Variants in RBFOX1 observed in about 807,000 individuals in gnomAD.
RBFOX1 encodes RNA binding protein fox-1 homolog 1.
RBFOX1 carries 8 observed loss-of-function variants against 57.7 expected under a neutral mutation model. The ratio of observed to expected loss-of-function variants is 0.14; its 90% CI spans 0.08 to 0.25. The LOEUF is 0.25. Ranked by LOEUF, RBFOX1 falls within the 10% of genes least tolerant of loss-of-function variation. The pLI, the probability that RBFOX1 is intolerant of heterozygous loss-of-function variation, is 1.00. For missense variants in RBFOX1, 611 were observed against 548.5 expected (o/e 1.11, Z -1.14); for synonymous variants, 326 against 222.4 (o/e 1.47, Z -4.15).
At chr16:7,119,118 C>G (rs1201041367) in intron 4 of RBFOX1, among the ~76,000 whole-genome samples, 1 of 152,116 alleles carries the variant, frequency 6.6e-6, no homozygotes, top group East Asian at 1.9e-4. Context: ...GCAAGTGTTG[C>G]AATGTATGTG....
chr16:6,684,568 A>T (rs1409231587), intron 3 of RBFOX1, among the ~76,000 whole-genome samples: 2 of 152,180 alleles, frequency 1.3e-5, no homozygotes, highest in South Asian at 4.1e-4. Flanking sequence ...TAGGGCTGCA[A>T]TCCCCTCTGT....
chr16:7,197,923 A>G (rs2087164091), intron 4 of RBFOX1, among the ~76,000 whole-genome samples: 1 of 151,964 alleles, frequency 6.6e-6, no homozygotes, highest in Admixed American at 6.6e-5. Flanking sequence ...TTGGGAGTGT[A>G]ACTGAAAAAT....
At chr16:5,938,013 G>C (rs1036030941) in intron 4 of RBFOX1, among the ~76,000 whole-genome samples, 1 of 151,944 alleles carries the variant, frequency 6.6e-6, no homozygotes, top group Non-Finnish European at 1.5e-5. Context: ...TAATTTTTGG[G>C]TATCTGTTTT....
chr16:5,500,373 G>A (rs981907564), intron 2 of RBFOX1, among the ~76,000 whole-genome samples: 4 of 151,934 alleles, frequency 2.6e-5, no homozygotes, highest in African/African-American at 9.7e-5. Context: ...CAGGCATGCA[G>A]TACCATGCCT....
chr16:6,580,509 T>A (rs1019353051), intron 2 of RBFOX1, among the ~76,000 whole-genome samples: 16 of 152,168 alleles, frequency 1.1e-4, no homozygotes, highest in African/African-American at 3.9e-4. Flanking sequence ...ACATAATCCC[T>A]TATGGTCCTC....
intron 13 of RBFOX1, among the ~76,000 whole-genome samples, chr16:7,671,142 C>G (rs2146080636): frequency 6.6e-6 from 1 of 152,230 alleles, no homozygotes; most frequent in South Asian, 2.1e-4. Flanking sequence ...GTGCTGTTTT[C>G]TTAACTACTT....
intron 4 of RBFOX1, among the ~76,000 whole-genome samples, chr16:5,995,622 C>A (rs139199637): frequency 6.6e-6 from 1 of 152,178 alleles, no homozygotes; most frequent in Non-Finnish European, 1.5e-5. Flanking sequence ...ATAGAATGGA[C>A]AGACAGAAAT....
chr16:5,463,080 T>C (rs577182601), intron 1 of RBFOX1, among the ~76,000 whole-genome samples: 10 of 152,180 alleles, frequency 6.6e-5, no homozygotes, highest in Non-Finnish European at 1.5e-4. Context: ...AGATGATAGA[T>C]AGATATATTT....
chr16:6,494,870 G>C (rs137933419), intron 2 of RBFOX1, among the ~76,000 whole-genome samples: 1,616 of 152,282 alleles, frequency 0.011, 31 homozygotes, highest in African/African-American at 0.037. Flanking sequence ...AGAATAGCCA[G>C]CATTTATGTA....
At chr16:7,325,797 C>T (rs945110076) in intron 4 of RBFOX1, among the ~76,000 whole-genome samples, 1 of 152,182 alleles carries the variant, frequency 6.6e-6, no homozygotes. Context: ...CTCTCCTTCA[C>T]TGGGAATTCA....
At chr16:7,438,256 G>T (rs2098738339) in intron 4 of RBFOX1, among the ~76,000 whole-genome samples, 1 of 152,150 alleles carries the variant, frequency 6.6e-6, no homozygotes, top group African/African-American at 2.4e-5. Context: ...AGATGCTGAT[G>T]CGAGAAACAC....
intron 2 of RBFOX1, among the ~76,000 whole-genome samples, chr16:5,514,444 A>G (rs1002513080): frequency 6.6e-6 from 1 of 152,184 alleles, no homozygotes; most frequent in African/African-American, 2.4e-5. Flanking sequence ...TCTCCTGGAC[A>G]AACCTCATCA....
At chr16:5,543,009 A>T (rs917382583) in intron 2 of RBFOX1, among the ~76,000 whole-genome samples, 1 of 152,198 alleles carries the variant, frequency 6.6e-6, no homozygotes, top group African/African-American at 2.4e-5. Flanking sequence ...GACATTGGGT[A>T]GAGTAATCAG....
chr16:6,811,680 A>G (rs951847890), intron 3 of RBFOX1, among the ~76,000 whole-genome samples: 1 of 152,184 alleles, frequency 6.6e-6, no homozygotes, highest in South Asian at 2.1e-4. Flanking sequence ...ATCTGAAGTC[A>G]GGAGTTTAAG....
At chr16:6,832,680 C>A (rs1350109805) in intron 3 of RBFOX1, among the ~76,000 whole-genome samples, 1 of 152,168 alleles carries the variant, frequency 6.6e-6, no homozygotes, top group Non-Finnish European at 1.5e-5. Context: ...ACTTTACCCA[C>A]TCAAAATAAG....
At chr16:7,564,399 G>A (rs975285007) in intron 5 of RBFOX1, among the ~76,000 whole-genome samples, 10 of 151,908 alleles carry the variant, frequency 6.6e-5, no homozygotes, top group Admixed American at 1.3e-4. Flanking sequence ...TTAGCTGGGC[G>A]TGGTGGCACC....
At chr16:6,657,839 AT>A (rs2098670979) in intron 3 of RBFOX1, among the ~76,000 whole-genome samples, 1 of 151,836 alleles carries the variant, frequency 6.6e-6, no homozygotes, top group Admixed American at 6.6e-5. Context: ...ATTTTATTTT[AT>A]TTTATTTTAC....
At chr16:6,945,239 A>C (rs144334318) in intron 3 of RBFOX1, among the ~76,000 whole-genome samples, 1 of 152,218 alleles carries the variant, frequency 6.6e-6, no homozygotes, top group East Asian at 1.9e-4. Context: ...CTTAATCTTC[A>C]CGTGTCCTTG....
intron 2 of RBFOX1, among the ~76,000 whole-genome samples, chr16:6,425,887 C>A (rs2093911520): frequency 6.6e-6 from 1 of 152,074 alleles, no homozygotes. Context: ...GTGTACAATT[C>A]CGTGGTATTT....
Sources: allele counts gnomAD v4.1 joint callset (sites outside exome capture counted in the v4.1 genomes callset), GRCh38; gene constraint gnomAD v4.1.1; transcripts MANE v1.5; gene names NCBI Gene and HGNC (gene_info 2026-07-23, HGNC 2026-07-21).